SPSB4: variants seen among roughly 807,000 people sequenced by gnomAD.
SPSB4 encodes splA/ryanodine receptor domain and SOCS box containing 4.
In SPSB4, 21 loss-of-function variants were observed where a neutral mutation model predicts 20.9. The observed-to-expected ratio is 1.01, with a 90% CI of 0.71 to 1.45. The LOEUF is 1.45. Ranked by LOEUF, SPSB4 falls within the 40% of genes most tolerant of loss-of-function variation. The pLI is 0.00. For missense variants in SPSB4, 399 were observed against 399.2 expected (o/e 1.00, Z 0.00); for synonymous variants, 207 against 183.8 (o/e 1.13, Z -1.02).
chr3:141,091,169 A>G (rs1938442935), intron 2 of SPSB4, among the ~76,000 whole-genome samples: 1 of 152,208 alleles, frequency 6.6e-6, no homozygotes, highest in African/African-American at 2.4e-5. Flanking sequence ...AAGCATACAG[A>G]TTTTTAAAAT....
At chr3:141,138,370 C>T (rs1306451459) in intron 2 of SPSB4, among the ~76,000 whole-genome samples, 3 of 152,174 alleles carry the variant, frequency 2.0e-5, no homozygotes, top group South Asian at 2.1e-4. Flanking sequence ...TTCTTGCCTT[C>T]TGCTAGCTTT....
At chr3:141,124,995 C>T (rs1169058042) in intron 2 of SPSB4, among the ~76,000 whole-genome samples, 1 of 152,096 alleles carries the variant, frequency 6.6e-6, no homozygotes, top group Non-Finnish European at 1.5e-5. Context: ...AGACAAGAAT[C>T]GGGCAGAGAT....
intron 2 of SPSB4, among the ~76,000 whole-genome samples, chr3:141,140,403 C>T (rs1389326146): frequency 6.6e-6 from 1 of 152,144 alleles, no homozygotes; most frequent in Non-Finnish European, 1.5e-5. Flanking sequence ...GGAGGAGAGG[C>T]GCTCTGAGTT....
intron 2 of SPSB4, among the ~76,000 whole-genome samples, chr3:141,104,687 G>A (rs529742043): frequency 3.3e-5 from 5 of 152,354 alleles, no homozygotes; most frequent in Non-Finnish European, 5.9e-5. Context: ...CTGCCAGGGC[G>A]TCCTGGGAGC....
At chr3:141,144,876 T>C (rs1319270611) in intron 2 of SPSB4, among the ~76,000 whole-genome samples, 2 of 152,338 alleles carry the variant, frequency 1.3e-5, no homozygotes, top group East Asian at 3.9e-4. Flanking sequence ...TAAGAAAATC[T>C]CTTAAGGTCT....
intron 2 of SPSB4, among the ~76,000 whole-genome samples, chr3:141,134,900 C>T (rs1384503239): frequency 2.0e-5 from 3 of 148,518 alleles, no homozygotes; most frequent in Admixed American, 6.7e-5. Flanking sequence ...TTTTTTGCAG[C>T]AATATATCAA....
chr3:141,145,259 G>C (rs1329641613), intron 2 of SPSB4, among the ~76,000 whole-genome samples: 1 of 151,778 alleles, frequency 6.6e-6, no homozygotes, highest in Non-Finnish European at 1.5e-5. Flanking sequence ...AGGATACAGA[G>C]GTGAGTGTTT....
At chr3:141,063,326 T>C (rs570733953) in intron 1 of SPSB4, among the ~76,000 whole-genome samples, 59 of 152,344 alleles carry the variant, frequency 3.9e-4, no homozygotes, top group African/African-American at 1.4e-3. Flanking sequence ...ATAATCTTTT[T>C]TTAGCAGTTT....
At chr3:141,147,064 C>T (rs923165688) in intron 2 of SPSB4, 78 bp from the exon 3 acceptor site, 34 of 1,579,728 alleles carry the variant, frequency 2.2e-5, no homozygotes, top group South Asian at 1.0e-4. Context: ...AGGCAGGAGG[C>T]GGTATGCAGT....
chr3:141,139,145 C>G (rs1186902405), intron 2 of SPSB4, among the ~76,000 whole-genome samples: 1 of 152,148 alleles, frequency 6.6e-6, no homozygotes, highest in African/African-American at 2.4e-5. Context: ...TTATCAGAGA[C>G]TAGGATTGCA....
chr3:141,125,944 A>T (rs902700113), intron 2 of SPSB4, among the ~76,000 whole-genome samples: 1 of 152,138 alleles, frequency 6.6e-6, no homozygotes, highest in African/African-American at 2.4e-5. Flanking sequence ...CCTTTCCTCT[A>T]TGGCTTGTGG....
chr3:141,127,675 A>G (rs1939069777), intron 2 of SPSB4, among the ~76,000 whole-genome samples: 1 of 152,100 alleles, frequency 6.6e-6, no homozygotes, highest in Admixed American at 6.5e-5. Context: ...ACCGGTGGAG[A>G]GGAGCCTCAG....
chr3:141,088,242 G>A (rs758218451), intron 2 of SPSB4, among the ~76,000 whole-genome samples: 4 of 152,226 alleles, frequency 2.6e-5, no homozygotes, highest in Non-Finnish European at 4.4e-5. Context: ...CAGGGACACA[G>A]AAAAGGGCGC....
chr3:141,060,273 G>GT (rs1234444713), intron 1 of SPSB4, among the ~76,000 whole-genome samples: 2 of 152,196 alleles, frequency 1.3e-5, no homozygotes, highest in African/African-American at 4.8e-5. Context: ...TTTCAAACAT[G>GT]TTTAAGTGTC....
Position 141,066,007 on chromosome 3 carries a change from G to A in SPSB4, c.-98G>A. The A allele has an allele frequency of 1.7e-6, 2 of 1,153,856 alleles. No homozygotes were observed. The allele number at this position is 1,153,856 out of a possible 1,614,324, so 71.5% of individuals were successfully genotyped here. Reference sequence around the variant, plus strand: ...GGCTGTGGAGGTCTACCGTCCGGAAGCCTGGTTCCCAGCCCCGTGGCCCAT... The same window carrying A: ...GGCTGTGGAGGTCTACCGTCCGGAAACCTGGTTCCCAGCCCCGTGGCCCAT... On this transcript the variant is annotated 5_prime_UTR_variant, in exon 2 of 3. Coordinates refer to ENST00000310546, the MANE Select transcript of SPSB4 (RefSeq NM_080862.3).
chr3:141,131,272 T>A (rs1432425899), intron 2 of SPSB4, among the ~76,000 whole-genome samples: 1 of 152,104 alleles, frequency 6.6e-6, no homozygotes, highest in East Asian at 1.9e-4. Flanking sequence ...CCCCTACTTT[T>A]TCCCATTAGG....
At chr3:141,058,038 C>T (rs1336748973) in intron 1 of SPSB4, among the ~76,000 whole-genome samples, 2 of 152,110 alleles carry the variant, frequency 1.3e-5, no homozygotes, top group Non-Finnish European at 2.9e-5. Flanking sequence ...AGACTTGCCC[C>T]CACCTCTGGC....
At chr3:141,136,480 A>T (rs1939230207) in intron 2 of SPSB4, among the ~76,000 whole-genome samples, 1 of 152,184 alleles carries the variant, frequency 6.6e-6, no homozygotes, top group South Asian at 2.1e-4. Context: ...TAGGTCTAAC[A>T]TGTAAGTCTT....
At chr3:141,061,768 C>T (rs1193346375) in intron 1 of SPSB4, among the ~76,000 whole-genome samples, 1 of 129,054 alleles carries the variant, frequency 7.7e-6, no homozygotes, top group Non-Finnish European at 1.5e-5. Flanking sequence ...TGGAGTCTCC[C>T]TCTGTCACCC....
Sources: gnomAD v4.1 joint callset for allele counts (sites outside exome capture counted in the v4.1 genomes callset) on GRCh38, gnomAD v4.1.1 for gene constraint, MANE v1.5 for transcripts, NCBI Gene and HGNC (gene_info 2026-07-23, HGNC 2026-07-21) for gene names.